ZRANB3: variants seen among roughly 807,000 people sequenced by gnomAD.
ZRANB3 encodes DNA annealing helicase and endonuclease ZRANB3.
Under a neutral mutation model 133.8 loss-of-function variants are expected in ZRANB3, and 125 were observed. The ratio of observed to expected loss-of-function variants is 0.93; its 90% CI spans 0.81 to 1.08. The LOEUF is 1.08. Among genes scored for constraint, ZRANB3 ranks in the 50% least tolerant of loss-of-function variants. The pLI is 0.00. For missense variants in ZRANB3, 1,229 were observed against 1,275.5 expected (o/e 0.96, Z 0.56); for synonymous variants, 387 against 432.7 (o/e 0.89, Z 1.31).
At chr2:135,240,159 T>C (rs1285302256) in intron 12 of ZRANB3, among the ~76,000 whole-genome samples, 1 of 151,926 alleles carries the variant, frequency 6.6e-6, no homozygotes, top group Non-Finnish European at 1.5e-5. Flanking sequence ...CTAGGCAACA[T>C]AGCAAGATCC....
intron 12 of ZRANB3, among the ~76,000 whole-genome samples, chr2:135,243,939 AG>A (rs1409412217): frequency 6.6e-6 from 1 of 151,708 alleles, no homozygotes; most frequent in Non-Finnish European, 1.5e-5. Flanking sequence ...TTTTTTTTTA[AG>A]AAGAGCAAAT....
At chr2:135,286,048 T>TA (rs1681347663) in intron 8 of ZRANB3, among the ~76,000 whole-genome samples, 2 of 152,252 alleles carry the variant, frequency 1.3e-5, no homozygotes, top group East Asian at 3.8e-4. Flanking sequence ...ATCATTATTT[T>TA]AAAAAATGTT....
At chr2:135,458,424 A>T (rs1690623036) in intron 2 of ZRANB3, among the ~76,000 whole-genome samples, 2 of 152,116 alleles carry the variant, frequency 1.3e-5, no homozygotes, top group South Asian at 4.1e-4. Flanking sequence ...TGGAATCTTG[A>T]TAGCTATTAC....
At chr2:135,235,363 G>A (rs1022447714) in intron 12 of ZRANB3, among the ~76,000 whole-genome samples, 2 of 152,182 alleles carry the variant, frequency 1.3e-5, no homozygotes, top group African/African-American at 4.8e-5. Context: ...GAGGTACAAG[G>A]AAGAGCTGGT....
intron 11 of ZRANB3, among the ~76,000 whole-genome samples, chr2:135,268,036 A>T (rs1304153843): frequency 6.6e-6 from 1 of 152,154 alleles, no homozygotes; most frequent in African/African-American, 2.4e-5. Flanking sequence ...CTGGCATCCT[A>T]ATCTCAGACT....
intron 8 of ZRANB3, among the ~76,000 whole-genome samples, chr2:135,288,516 T>C (rs74583415): frequency 0.038 from 5,678 of 151,278 alleles, 204 homozygotes; most frequent in South Asian, 0.16. Context: ...ACCAATTCAG[T>C]TGTGAATCCA....
At chr2:135,201,259 T>C (rs1377029166) in intron 20 of ZRANB3, among the ~76,000 whole-genome samples, 6 of 152,218 alleles carry the variant, frequency 3.9e-5, no homozygotes, top group African/African-American at 9.6e-5. Context: ...CTTATAGGTC[T>C]TGAATTTGCT....
chr2:135,449,160 A>G (rs919741832), intron 2 of ZRANB3, among the ~76,000 whole-genome samples: 1 of 152,224 alleles, frequency 6.6e-6, no homozygotes, highest in African/African-American at 2.4e-5. Flanking sequence ...GAGGGTGTCC[A>G]TAGCACCAGG....
intron 2 of ZRANB3, among the ~76,000 whole-genome samples, chr2:135,503,231 A>G (rs1342804454): frequency 6.6e-6 from 1 of 152,250 alleles, no homozygotes; most frequent in Non-Finnish European, 1.5e-5. Flanking sequence ...ATTTAAGTAT[A>G]TATGGGAAAG....
chr2:135,266,126 T>C (rs1680234386), intron 11 of ZRANB3, among the ~76,000 whole-genome samples: 1 of 152,076 alleles, frequency 6.6e-6, no homozygotes, highest in Non-Finnish European at 1.5e-5. Flanking sequence ...GAAGAATCCC[T>C]TGAACTCAGG....
intron 7 of ZRANB3, 75 bp downstream of exon 7, chr2:135,315,284 G>T: frequency 8.0e-7 from 1 of 1,254,440 alleles, no homozygotes; most frequent in Non-Finnish European, 1.0e-6. Flanking sequence ...TGTGAAATAT[G>T]AAATACGTAT....
At chr2:135,207,358 A>G in intron 19 of ZRANB3, 76 bp downstream of exon 19, 1 of 1,469,482 alleles carries the variant, frequency 6.8e-7, no homozygotes, top group Non-Finnish European at 9.1e-7. Context: ...CCCATGTTAA[A>G]ATGTACAAAA....
intron 8 of ZRANB3, among the ~76,000 whole-genome samples, chr2:135,282,787 A>T (rs1173308104): frequency 6.6e-6 from 1 of 152,156 alleles, no homozygotes; most frequent in Non-Finnish European, 1.5e-5. Flanking sequence ...ATCTTTCCAT[A>T]AGGTTTTCAG....
At chr2:135,436,762 A>G (rs1689554306) in intron 2 of ZRANB3, among the ~76,000 whole-genome samples, 1 of 152,136 alleles carries the variant, frequency 6.6e-6, no homozygotes. Context: ...TAAAAAAACT[A>G]TTTTAAAATT....
At chr2:135,498,378 G>A in intron 2 of ZRANB3, among the ~76,000 whole-genome samples, 1 of 152,100 alleles carries the variant, frequency 6.6e-6, no homozygotes, top group African/African-American at 2.4e-5. Context: ...TGCAATCTCT[G>A]AACATAAATT....
At chr2:135,382,550 C>T (rs999808059) in intron 3 of ZRANB3, among the ~76,000 whole-genome samples, 3 of 152,038 alleles carry the variant, frequency 2.0e-5, no homozygotes, top group Non-Finnish European at 2.9e-5. Context: ...GTCAGATTCA[C>T]CAAAGTTGAA....
chr2:135,328,041 AT>A (rs926214478), intron 6 of ZRANB3, among the ~76,000 whole-genome samples: 21 of 147,422 alleles, frequency 1.4e-4, no homozygotes, highest in Admixed American at 2.0e-4. Flanking sequence ...TTGACTTTTA[AT>A]TTTTTTTTTT....
chr2:135,515,485 C>T (rs1455624195), intron 1 of ZRANB3, among the ~76,000 whole-genome samples: 1 of 152,156 alleles, frequency 6.6e-6, no homozygotes, highest in Non-Finnish European at 1.5e-5. Flanking sequence ...TACGTTGTGT[C>T]TTTGTTCTCA....
chr2:135,506,128 T>A (rs921279412), intron 1 of ZRANB3, among the ~76,000 whole-genome samples: 1 of 152,128 alleles, frequency 6.6e-6, no homozygotes, highest in Non-Finnish European at 1.5e-5. Flanking sequence ...CAGCAGTTCA[T>A]GCCTATAATC....
Sources: gnomAD v4.1 joint callset for allele counts (sites outside exome capture counted in the v4.1 genomes callset) on GRCh38, gnomAD v4.1.1 for gene constraint, MANE v1.5 for transcripts, NCBI Gene and HGNC (gene_info 2026-07-23, HGNC 2026-07-21) for gene names.